The following CIDEA variants were observed in gnomAD, a reference collection of about 807,000 sequenced individuals.
The protein encoded by CIDEA is lipid transferase CIDEA.
Under a neutral mutation model 18.2 loss-of-function variants are expected in CIDEA, and 10 were observed. The ratio of observed to expected loss-of-function variants is 0.55; its 90% confidence interval spans 0.34 to 0.93. CIDEA has a LOEUF of 0.93. Ranked by LOEUF, CIDEA falls within the 40% of genes least tolerant of loss-of-function variation. The probability of loss-of-function intolerance (pLI) is 0.02; values close to 1 mark genes in which losing one functional copy is unlikely to be tolerated. For missense variants in CIDEA, 309 were observed against 293.1 expected, an observed-to-expected ratio of 1.05 and a Z score of -0.40; for synonymous variants, 128 against 124.8, an observed-to-expected ratio of 1.03 and a Z score of -0.17.
chr18:12,263,073 G>C, intron 2 of CIDEA, 104 bp downstream of exon 2: 3 of 1,185,442 alleles, frequency 2.5e-6, no homozygotes, highest in Non-Finnish European at 3.5e-6. Flanking sequence ...GAAAGATCAA[G>C]AAAAGCAGCA....
intron 3 of CIDEA, among the ~76,000 whole-genome samples, chr18:12,268,519 C>G (rs1420579519): frequency 6.6e-6 from 1 of 151,672 alleles, no homozygotes; most frequent in Non-Finnish European, 1.5e-5. Context: ...TCCCAAGTAG[C>G]TGGGACTACA....
In CIDEA at chr18:12,274,270, C is replaced by T. The variant is rs149591838; in HGVS notation, c.508C>T (p.Leu170=). Residue 170 remains leucine, a synonymous_variant, in exon 4 of 5, where the codon CTG becomes TTG. Transcript: ENST00000320477. The part of the protein sequence containing the change: ...DIRCTGLKGL[L]RSLLRFLSYS... ...CCGGTGCACGGGACTCAAGGGCCTG[C>T]TGAGGTAACACACTCCAGGGGTCAC... 3 of 1,613,972 alleles carry T rather than the reference C, an allele frequency of 1.9e-6. No individual in the cohort carries two copies. The African/African-American group carries it at 4.0e-5, about 22-fold the overall frequency.
chr18:12,271,225 G>T (rs116096640), intron 3 of CIDEA, among the ~76,000 whole-genome samples: 4 of 152,182 alleles, frequency 2.6e-5, no homozygotes, highest in East Asian at 3.9e-4. Flanking sequence ...ATCCTCAGCC[G>T]TGGCAGATGG....
chr18:12,270,537 A>T (rs1912482775), intron 3 of CIDEA, among the ~76,000 whole-genome samples: 1 of 152,004 alleles, frequency 6.6e-6, no homozygotes, highest in South Asian at 2.1e-4. Flanking sequence ...AAAAATACAA[A>T]AATTAGACAA....
At chr18:12,272,148 G>GTA (rs1912555781) in intron 3 of CIDEA, among the ~76,000 whole-genome samples, 1 of 12,752 alleles carries the variant, frequency 7.8e-5, no homozygotes, top group Admixed American at 7.7e-4. Flanking sequence ...GAGTGTGTGT[G>GTA]TGGGGGGGGG....
Position 12,274,216 on chromosome 18 carries a change from T to A in CIDEA, c.454T>A (p.Tyr152Asn). Residue 152 changes from tyrosine (Y) to asparagine (N), a missense_variant, in exon 4 of 5, where the codon TAT (tyrosine) becomes AAT (asparagine). Transcript: ENST00000320477. ...CTGCCTTAACGTGAAGGCCACCATG[T>A]ATGAGATGTACTCCGTGTCCTACGA... is the stretch of plus-strand genomic sequence containing the variant. Reference protein sequence around the residue: ...IGCLNVKATMYEMYSVSYDIR... With the variant: ...IGCLNVKATMNEMYSVSYDIR... The A allele has an allele frequency of 6.2e-7, 1 of 1,614,196 alleles. No individual in the cohort carries two copies. The highest frequency in any genetic ancestry group is 8.5e-7 in the Non-Finnish European group (1 of 1,180,040).
At chr18:12,266,719 C>T (rs1026032501) in intron 3 of CIDEA, among the ~76,000 whole-genome samples, 20 of 151,366 alleles carry the variant, frequency 1.3e-4, no homozygotes, top group African/African-American at 2.4e-4. Flanking sequence ...GGCATCCTCA[C>T]GTAGGGAAGG....
At chr18:12,276,104 G>A (rs954419957) in intron 4 of CIDEA, among the ~76,000 whole-genome samples, 5 of 146,996 alleles carry the variant, frequency 3.4e-5, no homozygotes, top group Admixed American at 7.0e-5. Flanking sequence ...AGCCATTCCC[G>A]TGGCTCAGCC....
At chr18:12,277,026 G>T in intron 4 of CIDEA, 97 bp from the exon 5 acceptor site, 1 of 1,366,934 alleles carries the variant, frequency 7.3e-7, no homozygotes, top group Non-Finnish European at 1.0e-6. Flanking sequence ...CCTCCTCCGA[G>T]TGCCTTTTGG....
chr18:12,263,227 C>A (rs895254088), intron 2 of CIDEA, among the ~76,000 whole-genome samples: 2 of 152,222 alleles, frequency 1.3e-5, no homozygotes, highest in Non-Finnish European at 2.9e-5. Context: ...GATCCTCCCA[C>A]CTCAACCTCC....
chr18:12,268,229 C>CTTTTTTTTTTTTTTT lies in CIDEA; in HGVS notation c.330+3776_330+3777insTTTTTTTTTTTTTTT, dbSNP rs1491473988. 9.6e-5 allele frequency among the ~76,000 whole-genome samples: 7 copies of CTTTTTTTTTTTTTTT among 73,004 alleles called. 1 individual carries two copies. Among genetic ancestry groups the CTTTTTTTTTTTTTTT allele is most frequent in the African/African-American group, 1.5e-4 (3 of 20,066 alleles). 47.9% of individuals were successfully genotyped at this position (73,004 alleles called of 152,430 possible). ...ACAAGTGCCTGCCACCATGCCCGGC[C>CTTTTTTTTTTTTTTT]ATTTTTTTTTTTTTTTTTTTTTTCA... On this transcript the variant is annotated intron_variant, in intron 3 of 4. Coordinates refer to ENST00000320477, the MANE Select transcript of CIDEA (RefSeq NM_001279.4).
chr18:12,261,381 C>T (rs1912186249), intron 1 of CIDEA, among the ~76,000 whole-genome samples: 1 of 152,102 alleles, frequency 6.6e-6, no homozygotes, highest in African/African-American at 2.4e-5. Flanking sequence ...AACAAACAAA[C>T]AAACAAAAGT....
chr18:12,268,229 C>CTTTTTTTTTTTTTTTTT lies in CIDEA; in HGVS notation c.330+3776_330+3777insTTTTTTTTTTTTTTTTT, dbSNP rs1491473988. Among the ~76,000 whole-genome samples the CTTTTTTTTTTTTTTTTT allele has an allele frequency of 5.5e-5, 4 of 72,998 alleles. 1 individual carries two copies. Among genetic ancestry groups the CTTTTTTTTTTTTTTTTT allele is most frequent in the Non-Finnish European group, 1.0e-4 (4 of 38,120 alleles). 47.9% of individuals were successfully genotyped at this position (72,998 alleles called of 152,430 possible). ...ACAAGTGCCTGCCACCATGCCCGGC[C>CTTTTTTTTTTTTTTTTT]ATTTTTTTTTTTTTTTTTTTTTTCA... On this transcript the variant is annotated intron_variant, in intron 3 of 4. Coordinates refer to ENST00000320477, the MANE Select transcript of CIDEA (RefSeq NM_001279.4).
Position 12,277,467 on chromosome 18 carries a change from G to A in CIDEA, c.*197G>A, listed in dbSNP as rs1283748277. On this transcript the variant is annotated 3_prime_UTR_variant, in exon 5 of 5. Transcript: ENST00000320477. Reference sequence around the variant, plus strand: ...GCAGTGGGCAGGGTGCCCTGGGGGGGAGGCATAGAGGGCCCTGGGGGTCAT... The same window carrying A: ...GCAGTGGGCAGGGTGCCCTGGGGGGAAGGCATAGAGGGCCCTGGGGGTCAT... 1 of 603,830 alleles carries A rather than the reference G, an allele frequency of 1.7e-6. No individual in the cohort carries two copies. Among genetic ancestry groups the A allele is most frequent in the African/African-American group, 1.9e-5 (1 of 53,662 alleles). The allele number at this position is 603,830 out of a possible 1,614,324, so 37.4% of individuals were successfully genotyped here.
intron 3 of CIDEA, among the ~76,000 whole-genome samples, chr18:12,265,298 A>G (rs538733368): frequency 6.6e-6 from 1 of 152,390 alleles, no homozygotes; most frequent in Non-Finnish European, 1.5e-5. Flanking sequence ...GATCTCCAAG[A>G]AAGAGAAATC....
intron 3 of CIDEA, among the ~76,000 whole-genome samples, chr18:12,270,768 A>G (rs1912494170): frequency 6.6e-6 from 1 of 150,462 alleles, no homozygotes; most frequent in African/African-American, 2.5e-5. Flanking sequence ...GGTGAATTAG[A>G]CAAATCATTT....
At chr18:12,267,957 C>A (rs6505741) in intron 3 of CIDEA, among the ~76,000 whole-genome samples, 33,630 of 152,098 alleles carry the variant, frequency 0.22, 3,800 homozygotes, top group Non-Finnish European at 0.24. Flanking sequence ...CACAGGACAA[C>A]CCCGACAGCA....
chr18:12,262,749 C>A, intron 1 of CIDEA, 76 bp from the exon 2 acceptor site: 1 of 1,331,394 alleles, frequency 7.5e-7, no homozygotes, highest in Non-Finnish European at 1.1e-6. Flanking sequence ...ATTAAAAATG[C>A]ATTATTTTTA....
At chr18:12,260,969 G>A (rs1449675166) in intron 1 of CIDEA, among the ~76,000 whole-genome samples, 1 of 152,196 alleles carries the variant, frequency 6.6e-6, no homozygotes, top group African/African-American at 2.4e-5. Flanking sequence ...GGGGGCATGG[G>A]GATTCAATGA....
Sources: gnomAD v4.1 joint callset for allele counts (sites outside exome capture counted in the v4.1 genomes callset) on GRCh38, gnomAD v4.1.1 for gene constraint, MANE v1.5 for transcripts, NCBI Gene and HGNC (gene_info 2026-07-23, HGNC 2026-07-21) for gene names.